The following LIMCH1 variants were observed in gnomAD, a reference collection of about 807,000 sequenced individuals.
LIMCH1 encodes the protein LIM and calponin homology domains 1, also known as LIM and calponin homology domains-containing protein 1.
A neutral mutation model predicts 176.5 loss-of-function variants in LIMCH1; 113 were observed. The ratio of observed to expected loss-of-function variants is 0.64; its 90% confidence interval spans 0.55 to 0.75. The LOEUF (loss-of-function observed/expected upper bound fraction) is 0.75. LIMCH1 is among the 30% of genes least tolerant of loss of function. The pLI is 0.00. For missense variants in LIMCH1, 1,674 were observed against 1,814.9 expected, an observed-to-expected ratio of 0.92 and a Z score of 1.41; for synonymous variants, 619 against 645.9, an observed-to-expected ratio of 0.96 and a Z score of 0.63.
At chr4:41,383,871 GA>G (rs1416387747) in intron 1 of LIMCH1, among the ~76,000 whole-genome samples, 2 of 152,134 alleles carry the variant, frequency 1.3e-5, no homozygotes, top group Admixed American at 6.5e-5. Context: ...ATAGAAAGAG[GA>G]ACCTGCAGAG....
rs550157723 is a variant in LIMCH1, at chr4:41,451,827, G to A, written c.97-42709G>A. On this transcript the variant is annotated intron_variant, in intron 1 of 26. Transcript: ENST00000313860. The stretch of plus-strand genomic sequence containing the variant: ...TTATTGCATTCTTTCCTTTCCTTTC[G>A]TCTTTTTTATTCTGCACAAAATTTC... Among the ~76,000 whole-genome samples, 38 of 152,050 alleles carry A rather than the reference G, an allele frequency of 2.5e-4. No homozygotes were observed. The South Asian group carries it at 2.7e-3, about 11-fold the overall frequency.
intron 1 of LIMCH1, among the ~76,000 whole-genome samples, chr4:41,568,023 C>T (rs1306265305): frequency 6.6e-6 from 1 of 152,110 alleles, no homozygotes; most frequent in African/African-American, 2.4e-5. Context: ...CATGGTGAAA[C>T]CCACCTGTAA....
intron 1 of LIMCH1, among the ~76,000 whole-genome samples, chr4:41,584,998 G>T (rs948585864): frequency 2.0e-5 from 3 of 152,078 alleles, no homozygotes; most frequent in African/African-American, 7.2e-5. Context: ...GAAAGGGCAA[G>T]GATGCTCTCT....
intron 3 of LIMCH1, among the ~76,000 whole-genome samples, chr4:41,531,305 G>A (rs1213344190): frequency 6.6e-6 from 1 of 151,648 alleles, no homozygotes; most frequent in Non-Finnish European, 1.5e-5. Context: ...TTCTACCATG[G>A]CCACTATCAA....
chr4:41,518,137 T>C (rs989570882), intron 2 of LIMCH1, among the ~76,000 whole-genome samples: 13 of 152,238 alleles, frequency 8.5e-5, no homozygotes, highest in African/African-American at 9.6e-5. Flanking sequence ...AAATGACTTA[T>C]AGAGTAAGCT....
At position 41,646,716 on chromosome 4, in the gene LIMCH1, A is replaced by G. The variant is rs376092295; in HGVS notation, c.2643A>G (p.Pro881=). ...ACCTGCGGCAACAGTCACTGCCTCC[A>G]CCCAAATTCACTGCCACTGTTGAAA... ...MKYLRQQSLP[P]PKFTATVETT... The change falls in exon 17 of 32, where the codon CCA becomes CCG. Residue 881 remains proline (P), a synonymous_variant. Transcript: ENST00000503057. 7.9e-5 allele frequency: 127 copies of G among 1,614,052 alleles called. No homozygotes were observed. The highest frequency in any genetic ancestry group is 1.1e-4 in the Non-Finnish European group (124 of 1,180,038).
intron 7 of LIMCH1, among the ~76,000 whole-genome samples, chr4:41,623,836 T>C (rs981476610): frequency 4.6e-5 from 7 of 152,182 alleles, no homozygotes; most frequent in African/African-American, 1.7e-4. Flanking sequence ...ACCTAGAAGT[T>C]TCAAGCTTCC....
At chr4:41,610,266 CT>C (rs2091270275) in intron 4 of LIMCH1, among the ~76,000 whole-genome samples, 1 of 152,160 alleles carries the variant, frequency 6.6e-6, no homozygotes, top group East Asian at 1.9e-4. Flanking sequence ...GGGAGCCTTT[CT>C]GATATTATTT....
intron 21 of LIMCH1, chr4:41,670,657 A>G (rs2094983036): frequency 3.2e-6 from 4 of 1,259,310 alleles, no homozygotes; most frequent in South Asian, 1.3e-5. Flanking sequence ...GCATGGTTCT[A>G]TTCAGTTCTC....
chr4:41,678,259 G>C (rs975051906), intron 23 of LIMCH1, among the ~76,000 whole-genome samples: 1 of 148,948 alleles, frequency 6.7e-6, no homozygotes, highest in Non-Finnish European at 1.5e-5. Flanking sequence ...TAATCCTTTT[G>C]GCTTATTTCC....
chr4:41,697,317 G>A lies in LIMCH1; in HGVS notation c.*132G>A, dbSNP rs971262397. Reference sequence around the variant, plus strand: ...TTTCTGAAAGGCTCTTCTGAAAGGTGGTATCTGTTCTTTCGTAGCACAGTG... The same window carrying A: ...TTTCTGAAAGGCTCTTCTGAAAGGTAGTATCTGTTCTTTCGTAGCACAGTG... On this transcript the variant is annotated 3_prime_UTR_variant, in exon 32 of 32. Transcript: ENST00000503057. The A allele has an allele frequency of 2.6e-6, 2 of 771,822 alleles. No homozygotes were observed. The highest frequency in any genetic ancestry group is 3.5e-5 in the African/African-American group (2 of 56,868). 47.8% of individuals were successfully genotyped at this position (771,822 alleles called of 1,614,324 possible).
At chr4:41,585,698 T>C (rs774816233) in intron 1 of LIMCH1, among the ~76,000 whole-genome samples, 1 of 151,954 alleles carries the variant, frequency 6.6e-6, no homozygotes, top group Non-Finnish European at 1.5e-5. Flanking sequence ...CATCAACACT[T>C]GTTATTTTCT....
At chr4:41,381,097 C>T (rs549289257) in intron 1 of LIMCH1, among the ~76,000 whole-genome samples, 2 of 152,284 alleles carry the variant, frequency 1.3e-5, no homozygotes, top group South Asian at 4.1e-4. Context: ...ATTTAATATC[C>T]AAGCCACTGA....
intron 2 of LIMCH1, among the ~76,000 whole-genome samples, chr4:41,515,611 C>T (rs954241502): frequency 6.6e-6 from 1 of 152,254 alleles, no homozygotes; most frequent in African/African-American, 2.4e-5. Context: ...TCCACATCCT[C>T]AAGCTATGAC....
At chr4:41,688,066 A>G (rs1722351085) in intron 29 of LIMCH1, 149 bp downstream of exon 29, 6 of 610,350 alleles carry the variant, frequency 9.8e-6, no homozygotes. Context: ...GGCAAAAGGA[A>G]AGAGAACATT....
intron 1 of LIMCH1, among the ~76,000 whole-genome samples, chr4:41,457,958 G>A (rs1019637708): frequency 6.6e-6 from 1 of 152,140 alleles, no homozygotes; most frequent in Non-Finnish European, 1.5e-5. Flanking sequence ...TCAGGGAAGG[G>A]CAAGAAAGAG....
upstream of LIMCH1, chr4:41,360,585 GAGA>G (rs946596300): frequency 1.7e-4 from 40 of 241,958 alleles, no homozygotes; most frequent in African/African-American, 7.8e-4. This position sits in a 1 kb window ranked among gnomAD's most constrained non-coding sequence, Gnocchi z 4.5. Flanking sequence ...AGGTGGGGAG[GAGA>G]AGAAGCTCCC....
At chr4:41,554,126 T>G (rs1270471590) in intron 1 of LIMCH1, among the ~76,000 whole-genome samples, 1 of 152,212 alleles carries the variant, frequency 6.6e-6, no homozygotes, top group Non-Finnish European at 1.5e-5. Context: ...GAATCGGTTT[T>G]TCCATTCCCT....
At chr4:41,628,439 G>C (rs1263257411) in intron 8 of LIMCH1, among the ~76,000 whole-genome samples, 1 of 150,604 alleles carries the variant, frequency 6.6e-6, no homozygotes, top group African/African-American at 2.5e-5. Context: ...AAAAAAGAAG[G>C]GTCCCTAGTG....
Sources: allele counts gnomAD v4.1 joint callset (sites outside exome capture counted in the v4.1 genomes callset), GRCh38; gene constraint gnomAD v4.1.1; non-coding constraint Gnocchi (gnomAD v3.1); transcripts MANE v1.5; gene names NCBI Gene and HGNC (gene_info 2026-07-23, HGNC 2026-07-21).